The following REDIC1 variants were observed in gnomAD, a reference collection of about 807,000 sequenced individuals.
REDIC1 encodes regulator of DNA class I crossover intermediates 1.
chr12:39,797,523 C>T, the REDIC1 span, among the ~76,000 whole-genome samples: 1 of 152,158 alleles, frequency 6.6e-6, no homozygotes, highest in Non-Finnish European at 1.5e-5. Context: ...AATAACCCAT[C>T]TCTTGTAAAG....
the REDIC1 span, chr12:39,683,989 G>A: frequency 8.5e-6 from 2 of 234,902 alleles, no homozygotes. Context: ...TTTAGGGATA[G>A]AGCACTCTTC....
chr12:39,784,192 A>C, the REDIC1 span, among the ~76,000 whole-genome samples: 511 of 152,314 alleles, frequency 3.4e-3, 4 homozygotes, highest in African/African-American at 0.012. Flanking sequence ...TCAAGCTACC[A>C]ATGACTTTCT....
At chr12:39,712,157 T>G in the REDIC1 span, among the ~76,000 whole-genome samples, 119 of 144,758 alleles carry the variant, frequency 8.2e-4, 1 homozygote, top group African/African-American at 2.9e-3. Context: ...TCTATACATG[T>G]ATATGTACAT....
the REDIC1 span, among the ~76,000 whole-genome samples, chr12:39,812,835 CTTTT>C: frequency 0.012 from 1,523 of 127,940 alleles, 35 homozygotes; most frequent in African/African-American, 0.041. Context: ...GTAGTATTAC[CTTTT>C]TTTTTTTTTT....
At chr12:39,699,102 A>G in the REDIC1 span, among the ~76,000 whole-genome samples, 7 of 152,354 alleles carry the variant, frequency 4.6e-5, no homozygotes, top group African/African-American at 1.7e-4. Flanking sequence ...TAGACTAAGA[A>G]AAAAAGAAGA....
the REDIC1 span, among the ~76,000 whole-genome samples, chr12:39,695,329 A>G: frequency 5.8e-3 from 888 of 152,226 alleles, 8 homozygotes; most frequent in African/African-American, 0.02. Flanking sequence ...TGGCTCTTGG[A>G]TGGCATTTCT....
the REDIC1 span, chr12:39,764,399 T>A: frequency 7.4e-7 from 1 of 1,349,804 alleles, no homozygotes; most frequent in Non-Finnish European, 1.0e-6. Flanking sequence ...GATATTATAG[T>A]GTATCTAAAA....
the REDIC1 span, among the ~76,000 whole-genome samples, chr12:39,795,931 T>G: frequency 6.6e-6 from 1 of 152,156 alleles, no homozygotes; most frequent in South Asian, 2.1e-4. Flanking sequence ...TATAACTCAG[T>G]GATTTTCAGT....
chr12:39,861,010 G>C, the REDIC1 span, among the ~76,000 whole-genome samples: 2 of 152,278 alleles, frequency 1.3e-5, no homozygotes, highest in Middle Eastern at 6.8e-3. Flanking sequence ...GCTCTGATCT[G>C]TCTTAATAGT....
chr12:39,779,988 A>G, the REDIC1 span, among the ~76,000 whole-genome samples: 1 of 152,214 alleles, frequency 6.6e-6, no homozygotes, highest in Admixed American at 6.5e-5. Context: ...AATCCATTTT[A>G]TAGCTGCTTT....
the REDIC1 span, among the ~76,000 whole-genome samples, chr12:39,652,054 A>G: frequency 1.3e-5 from 2 of 152,084 alleles, no homozygotes; most frequent in African/African-American, 4.8e-5. Context: ...AAATTCATCT[A>G]TGTTGGTTGT....
At chr12:39,671,011 G>A in the REDIC1 span, among the ~76,000 whole-genome samples, 138 of 151,868 alleles carry the variant, frequency 9.1e-4, no homozygotes, top group Middle Eastern at 3.4e-3. Context: ...TCATGATTTC[G>A]AATTCTTTTT....
chr12:39,643,116 T>A, the REDIC1 span, among the ~76,000 whole-genome samples: 2 of 151,720 alleles, frequency 1.3e-5, no homozygotes, highest in South Asian at 2.1e-4. Context: ...AATAGTTGCT[T>A]GATAAATAAA....
the REDIC1 span, among the ~76,000 whole-genome samples, chr12:39,814,100 CTT>C: frequency 1.3e-5 from 2 of 152,160 alleles, no homozygotes; most frequent in Non-Finnish European, 2.9e-5. Flanking sequence ...TGCCCATACT[CTT>C]TTCTTTCTTT....
chr12:39,785,889 C>T, the REDIC1 span, among the ~76,000 whole-genome samples: 1 of 152,272 alleles, frequency 6.6e-6, no homozygotes. Flanking sequence ...GCCAATTTCT[C>T]CCATTTGGAA....
At chr12:39,712,701 ATATATGTATATAGACGTATACG>A in the REDIC1 span, among the ~76,000 whole-genome samples, 2 of 4,228 alleles carry the variant, frequency 4.7e-4, no homozygotes, top group Non-Finnish European at 1.2e-3. Flanking sequence ...GTATACGTGT[ATATATGTATATAGACGTATACG>A]TGTATATATG....
At chr12:39,641,032 A>G in the REDIC1 span, 1 of 1,539,560 alleles carries the variant, frequency 6.5e-7, no homozygotes, top group South Asian at 1.1e-5. Context: ...CAGCCTTATG[A>G]GACTAATAAC....
chr12:39,645,844 C>T, the REDIC1 span, among the ~76,000 whole-genome samples: 1 of 152,092 alleles, frequency 6.6e-6, no homozygotes, highest in Non-Finnish European at 1.5e-5. Flanking sequence ...TCAAGCCATC[C>T]TCCAACTGCA....
the REDIC1 span, among the ~76,000 whole-genome samples, chr12:39,895,530 A>C: frequency 1.0e-5 from 1 of 97,668 alleles, no homozygotes; most frequent in Admixed American, 1.1e-4. Context: ...ATATATATAT[A>C]TATATATATA....
Sources: gnomAD v4.1 joint callset for allele counts (sites outside exome capture counted in the v4.1 genomes callset) on GRCh38, gnomAD v4.1.1 for gene constraint, MANE v1.5 for transcripts, NCBI Gene and HGNC (gene_info 2026-07-23, HGNC 2026-07-21) for gene names.